The following KCNMA1 variants were observed in gnomAD, a reference collection of about 807,000 sequenced individuals.
KCNMA1 encodes the protein potassium calcium-activated channel subfamily M alpha 1, also known as Calcium-activated potassium channel subunit alpha-1.
KCNMA1 carries 29 observed loss-of-function variants against 140.0 expected under a neutral mutation model. That is an observed-to-expected ratio of 0.21 (90% confidence interval 0.15 to 0.28). KCNMA1 has a LOEUF of 0.28. KCNMA1 is among the 10% of genes least tolerant of loss of function. The pLI, the probability that KCNMA1 is intolerant of heterozygous loss-of-function variation, is 1.00. For synonymous variants in KCNMA1, 612 were observed against 611.9 expected (o/e 1.00, Z 0.00); for missense variants, 880 against 1,602.2 (o/e 0.55, Z 7.70).
chr10:76,997,192 G>A (rs1346754395), intron 19 of KCNMA1, among the ~76,000 whole-genome samples: 1 of 152,174 alleles, frequency 6.6e-6, no homozygotes, highest in Non-Finnish European at 1.5e-5. Flanking sequence ...ATTTTGGTAC[G>A]TCTCCCTTCA....
chr10:77,172,372 T>A (rs2098715404), intron 5 of KCNMA1, among the ~76,000 whole-genome samples: 1 of 152,170 alleles, frequency 6.6e-6, no homozygotes, highest in South Asian at 2.1e-4. Flanking sequence ...TGCAAATCAA[T>A]GAGGATTTAG....
intron 2 of KCNMA1, among the ~76,000 whole-genome samples, chr10:77,324,908 G>C (rs1417171625): frequency 6.7e-6 from 1 of 150,096 alleles, no homozygotes; most frequent in African/African-American, 2.4e-5. Context: ...GAGCTGGAGA[G>C]AGGAACTTCT....
chr10:76,941,051 A>AAGAAAG lies in KCNMA1; in HGVS notation c.2902+3721_2902+3722insCTTTCT, dbSNP rs1227472631. On this transcript the variant is annotated intron_variant, in intron 23 of 27. Coordinates refer to ENST00000286628, the MANE Select transcript of KCNMA1 (RefSeq NM_001161352.2). ...AAAGAAAGAAAGAAAGAAAGAAAGA[A>AAGAAAG]AGAGAAAGAAAGAAAGAAAAAGAAA... is the stretch of plus-strand genomic sequence containing the variant. 2.2e-4 allele frequency among the ~76,000 whole-genome samples: 14 copies of AAGAAAG among 62,944 alleles called. No individual in the cohort carries two copies. The South Asian group carries it at 7.5e-3, about 34-fold the overall frequency. The allele number at this position is 62,944 out of a possible 152,430, so 41.3% of individuals were successfully genotyped here.
chr10:77,266,039 C>G (rs1235024065), intron 2 of KCNMA1, among the ~76,000 whole-genome samples: 2 of 150,036 alleles, frequency 1.3e-5, no homozygotes, highest in Non-Finnish European at 3.0e-5. Flanking sequence ...TGAGATAGCA[C>G]CACTGCACTC....
intron 2 of KCNMA1, among the ~76,000 whole-genome samples, chr10:77,278,086 G>C (rs1318297146): frequency 1.3e-5 from 2 of 152,142 alleles, no homozygotes; most frequent in Non-Finnish European, 2.9e-5. Context: ...GTAGACCTTT[G>C]TGACAATCTG....
chr10:77,283,261 G>T (rs2069361757), intron 2 of KCNMA1, among the ~76,000 whole-genome samples: 1 of 152,192 alleles, frequency 6.6e-6, no homozygotes, highest in African/African-American at 2.4e-5. Flanking sequence ...ATTTAAGTAA[G>T]AACTTTCTAT....
intron 1 of KCNMA1, among the ~76,000 whole-genome samples, chr10:77,537,600 C>T (rs1346780417): frequency 6.6e-6 from 1 of 152,194 alleles, no homozygotes; most frequent in Non-Finnish European, 1.5e-5. Flanking sequence ...TCAGAATTGA[C>T]TTGAAGACAC....
At chr10:77,353,073 G>A (rs2093086413) in intron 2 of KCNMA1, among the ~76,000 whole-genome samples, 1 of 152,204 alleles carries the variant, frequency 6.6e-6, no homozygotes, top group Non-Finnish European at 1.5e-5. Flanking sequence ...GAAGCTTAAA[G>A]GAGATTAATG....
At position 77,570,927 on chromosome 10, in the gene KCNMA1, T is replaced by C. The variant is rs545691814; in HGVS notation, c.378+66338A>G. On this transcript the variant is annotated intron_variant, in intron 1 of 27. Coordinates refer to ENST00000286628, the MANE Select transcript of KCNMA1 (RefSeq NM_001161352.2). ...ACCTGGGCAACAGAGCCAGACTCTG[T>C]CTCAAAAAAAAAAAAATACTTTCTT... Among the ~76,000 whole-genome samples the C allele has an allele frequency of 0.011, 350 of 32,828 alleles. 8 individuals carry two copies. The South Asian group carries it at 0.18, about 17-fold the overall frequency. 21.5% of individuals were successfully genotyped at this position (32,828 alleles called of 152,430 possible). A position where few individuals can be genotyped will look rare whatever the true frequency, so the allele number is the denominator to read the frequency against.
chr10:77,193,355 A>G (rs1232378882), intron 3 of KCNMA1, among the ~76,000 whole-genome samples: 1 of 152,204 alleles, frequency 6.6e-6, no homozygotes, highest in African/African-American at 2.4e-5. Context: ...AAGCTACTAC[A>G]TAAAACAGAG....
chr10:77,629,857 C>T (rs2092981523), intron 1 of KCNMA1, among the ~76,000 whole-genome samples: 1 of 152,296 alleles, frequency 6.6e-6, no homozygotes, highest in East Asian at 1.9e-4. Context: ...CAGGCCGCCA[C>T]GATGCTAGGT....
intron 24 of KCNMA1, chr10:76,913,912 G>T: frequency 1.6e-6 from 1 of 641,514 alleles, no homozygotes; most frequent in Non-Finnish European, 2.7e-6. Context: ...TCCAACCAGA[G>T]CCACAAATAA....
intron 19 of KCNMA1, among the ~76,000 whole-genome samples, chr10:76,979,048 T>G (rs2078584412): frequency 6.6e-6 from 1 of 152,178 alleles, no homozygotes; most frequent in African/African-American, 2.4e-5. Flanking sequence ...GGGCAAAAGC[T>G]TCTCTCACCT....
intron 1 of KCNMA1, among the ~76,000 whole-genome samples, chr10:77,495,532 A>G (rs1187314556): frequency 1.3e-5 from 2 of 152,198 alleles, no homozygotes; most frequent in Non-Finnish European, 2.9e-5. Context: ...AACATCGGCC[A>G]ATGAGTGCCG....
chr10:77,199,093 A>G (rs1358478309), intron 3 of KCNMA1, among the ~76,000 whole-genome samples: 1 of 152,050 alleles, frequency 6.6e-6, no homozygotes, highest in Non-Finnish European at 1.5e-5. Context: ...TCCCGACACT[A>G]CCTTCCTCAT....
intron 18 of KCNMA1, among the ~76,000 whole-genome samples, chr10:77,007,196 G>A (rs972084787): frequency 6.6e-6 from 1 of 152,180 alleles, no homozygotes; most frequent in African/African-American, 2.4e-5. Flanking sequence ...CCTATTCCTT[G>A]AGTAAGTTAG....
At chr10:77,003,480 G>T (rs1166625236) in intron 18 of KCNMA1, among the ~76,000 whole-genome samples, 1 of 152,160 alleles carries the variant, frequency 6.6e-6, no homozygotes, top group Non-Finnish European at 1.5e-5. Flanking sequence ...AATGCATCCG[G>T]ATCTGGCATA....
At chr10:77,416,273 C>T (rs1378053726) in intron 1 of KCNMA1, among the ~76,000 whole-genome samples, 1 of 152,102 alleles carries the variant, frequency 6.6e-6, no homozygotes, top group East Asian at 1.9e-4. Context: ...GGCATGGTCT[C>T]TCAGGGCTGG....
At chr10:77,011,648 T>A (rs1385502051) in intron 18 of KCNMA1, among the ~76,000 whole-genome samples, 1 of 152,196 alleles carries the variant, frequency 6.6e-6, no homozygotes, top group African/African-American at 2.4e-5. Context: ...GCTCTGTGGC[T>A]TTAGTTCTCC....
Sources: allele counts gnomAD v4.1 joint callset (sites outside exome capture counted in the v4.1 genomes callset), GRCh38; gene constraint gnomAD v4.1.1; transcripts MANE v1.5; gene names NCBI Gene and HGNC (gene_info 2026-07-23, HGNC 2026-07-21).